Variants in MEX3B observed in about 807,000 individuals in gnomAD.
The protein encoded by MEX3B is mex-3 RNA binding family member B, also known as RNA-binding protein MEX3B.
In MEX3B, 10 loss-of-function variants were observed where a neutral mutation model predicts 12.2. The observed-to-expected ratio is 0.82, with a 90% CI of 0.51 to 1.40. The LOEUF is 1.40. Among genes scored for constraint, MEX3B ranks in the 40% most tolerant of loss-of-function variants. MEX3B has a pLI of 0.00. For synonymous variants in MEX3B, 498 were observed against 356.3 expected, an observed-to-expected ratio of 1.40 and a Z score of -4.48; for missense variants, 839 against 801.4, an observed-to-expected ratio of 1.05 and a Z score of -0.57.
Position 82,045,756 on chromosome 15 carries a change from A to C in MEX3B, c.-51T>G. On this transcript the variant is annotated 5_prime_UTR_variant, in exon 1 of 2. Coordinates refer to ENST00000329713, the MANE Select transcript of MEX3B (RefSeq NM_032246.6). Reference sequence around the variant, plus strand: ...CGCCGGCCCTCGGCTCGGCGGCGAGAAGCTGCGGCCACAAAGGCAGCCGGG... The same window carrying C: ...CGCCGGCCCTCGGCTCGGCGGCGAGCAGCTGCGGCCACAAAGGCAGCCGGG... 1 of 1,313,218 alleles carries C rather than the reference A, an allele frequency of 7.6e-7. No individual in the cohort carries two copies. The highest frequency in any genetic ancestry group is 9.6e-7 in the Non-Finnish European group (1 of 1,039,656). The allele number at this position is 1,313,218 out of a possible 1,614,324, so 81.3% of individuals were successfully genotyped here.
rs886932418 is a variant in MEX3B at position 82,045,625 on chromosome 15, G to A, written c.81C>T (p.Thr27=). ...GGGGSSGGGE[T]LDDQRALQLA... ...GCTGCAGGGCTCTTTGGTCATCCAG[G>A]GTCTCTCCCCCTCCGCTGCTGCCGC... Residue 27 remains threonine (T), a synonymous_variant, in exon 1 of 2, where the codon ACC becomes ACT. Coordinates refer to ENST00000329713, the MANE Select transcript of MEX3B (RefSeq NM_032246.6). The A allele has an allele frequency of 2.5e-6, 4 of 1,599,580 alleles. No individual in the cohort carries two copies. The highest frequency in any genetic ancestry group is 1.3e-5 in the African/African-American group (1 of 74,742).
At position 82,044,660 on chromosome 15, in the gene MEX3B, C is replaced by G. The variant is rs1032644115; in HGVS notation, c.257-47G>C. Reference sequence around the variant, plus strand: ...AGGGAGTGGGAGAGAGAGACAGACACGCCCATTATCCTGGGGTAACCGCGG... The same window carrying G: ...AGGGAGTGGGAGAGAGAGACAGACAGGCCCATTATCCTGGGGTAACCGCGG... On this transcript the variant is annotated intron_variant, in intron 1 of 1. Transcript: ENST00000329713. The surrounding 1 kb of genome is among the most constrained non-coding windows in gnomAD (Gnocchi z 5.3). The G allele has an allele frequency of 6.3e-7, 1 of 1,593,698 alleles. No individual in the cohort carries two copies. The highest frequency in any genetic ancestry group is 2.2e-5 in the East Asian group (1 of 44,770).
chr15:82,043,262 G>T lies in MEX3B; in HGVS notation c.1608C>A (p.Asn536Lys). 3.1e-6 allele frequency: 5 copies of T among 1,611,376 alleles called. No individual in the cohort carries two copies. The highest frequency in any genetic ancestry group is 4.2e-6 in the Non-Finnish European group (5 of 1,178,582). Reference protein sequence around the residue: ...VIAALVPCGHNLFCMECANRI... With the variant: ...VIAALVPCGHKLFCMECANRI... ...GATTGGCGCACTCCATGCAGAAGAG[G>T]TTGTGGCCACAGGGCACCAGCGCGG... Residue 536 changes from asparagine to lysine, a missense_variant, in exon 2 of 2, where the codon AAC becomes AAA. Transcript: ENST00000329713.
rs1231788552 is a variant in MEX3B, at chr15:82,043,871, A to T, written c.999T>A (p.Asn333Lys). 1 of 1,590,036 alleles carries T rather than the reference A, an allele frequency of 6.3e-7. No homozygotes were observed. Among genetic ancestry groups the T allele is most frequent in the Non-Finnish European group, 8.6e-7 (1 of 1,168,858 alleles). The part of the protein sequence containing the change: ...PALSFAHNGN[N>K]NNNGNGYTYT... ...AGGTGTACCCATTGCCGTTATTGTTATTGTTTCCGTTGTGCGCAAAGCTCA... is the reference window on the plus strand; with the variant it reads ...AGGTGTACCCATTGCCGTTATTGTTTTTGTTTCCGTTGTGCGCAAAGCTCA... The change falls in exon 2 of 2, where the codon AAT (asparagine) becomes AAA (lysine). Residue 333 changes from asparagine to lysine, a missense_variant. Asn to Lys is a moderately conservative substitution (Grantham distance 94). Transcript: ENST00000329713.
rs754993067 is a variant in MEX3B at position 82,043,973 on chromosome 15, A to G, written c.897T>C (p.Ser299=). 4.3e-6 allele frequency: 7 copies of G among 1,609,336 alleles called. No individual in the cohort carries two copies. In the South Asian group the frequency reaches 4.4e-5, roughly 10 times the overall value. The change falls in exon 2 of 2, where the codon TCT becomes TCC. Residue 299 remains serine, a synonymous_variant. Coordinates refer to ENST00000329713, the MANE Select transcript of MEX3B (RefSeq NM_032246.6). ...TGCTGCTGGTCCCGCCGCCGAAATAAGAGTCTGTGGAAGCACTGCCAAGCG... is the reference window on the plus strand; with the variant it reads ...TGCTGCTGGTCCCGCCGCCGAAATAGGAGTCTGTGGAAGCACTGCCAAGCG... The part of the protein sequence containing the change: ...SSSLGSASTD[S]YFGGGTSSSA...
In MEX3B at chr15:82,044,961, C is replaced by T; in HGVS notation, c.257-348G>A. 1.7e-6 allele frequency: 1 copy of T among 578,066 alleles called. No individual in the cohort carries two copies. The highest frequency in any genetic ancestry group is 3.1e-6 in the Non-Finnish European group (1 of 325,444). 35.8% of individuals were successfully genotyped at this position (578,066 alleles called of 1,614,324 possible). ...CAGCTCTGAAGACACGGGGAAGGGG[C>T]TCGGGGAAGGCAGCTGAAGTCGCGA... On this transcript the variant is annotated intron_variant, in intron 1 of 1. Transcript: ENST00000329713. This position sits in a 1 kb window ranked among gnomAD's most constrained non-coding sequence, Gnocchi z 5.3.
chr15:82,045,673 G>T lies in MEX3B; in HGVS notation c.33C>A (p.Arg11=). 6.5e-7 allele frequency: 1 copy of T among 1,549,640 alleles called. No individual in the cohort carries two copies. ...CGCCGCCGCCGCCGCCGCTGCCGTT[G>T]CGCTCCAGGTCTGCGAACAGCGAGC... MPSSLFADLE[R]NGSGGGGGGS... is the part of the protein sequence containing the mutation. Residue 11 remains arginine, a synonymous_variant, in exon 1 of 2, where the codon CGC becomes CGA. Coordinates refer to ENST00000329713, the MANE Select transcript of MEX3B (RefSeq NM_032246.6).
At chr15:82,045,127 C>A in intron 1 of MEX3B, 2 of 605,112 alleles carry the variant, frequency 3.3e-6, no homozygotes, top group South Asian at 3.9e-5. Context: ...CTTCCTCCTC[C>A]CAAAGGACTG....
chr15:82,043,892 G>T lies in MEX3B; in HGVS notation c.978C>A (p.Ser326Arg). The T allele has an allele frequency of 6.3e-7, 1 of 1,592,848 alleles. No homozygotes were observed. Among genetic ancestry groups the T allele is most frequent in the Non-Finnish European group, 8.5e-7 (1 of 1,171,914 alleles). ...TGTTATTGTTTCCGTTGTGCGCAAA[G>T]CTCAGGGCGGGGCTAGGGGGGCTGT... The part of the protein sequence containing the change: ...ADYSPPSPAL[S>R]FAHNGNNNNN... The change falls in exon 2 of 2, where the codon AGC becomes AGA. Residue 326 changes from serine (S) to arginine (R), a missense_variant. Ser to Arg is a moderately radical substitution (Grantham distance 110). Coordinates refer to ENST00000329713, the MANE Select transcript of MEX3B (RefSeq NM_032246.6).
rs908910632 is a variant in MEX3B at position 82,043,261 on chromosome 15, G to A, written c.1609C>T (p.Leu537Phe). The A allele has an allele frequency of 3.7e-6, 6 of 1,611,158 alleles. No homozygotes were observed. The highest frequency in any genetic ancestry group is 3.4e-5 in the Admixed American group (2 of 59,626). ...IAALVPCGHNLFCMECANRIC... is the reference protein window; with the variant it reads ...IAALVPCGHNFFCMECANRIC... ...CGATTGGCGCACTCCATGCAGAAGA[G>A]GTTGTGGCCACAGGGCACCAGCGCG... Residue 537 changes from leucine to phenylalanine, a missense_variant, in exon 2 of 2, where the codon CTC becomes TTC. Leu to Phe is a conservative substitution (Grantham distance 22). This residue lies in a region of MEX3B where 573 missense variants were observed against 488.9 expected (regional missense o/e 1.17). Coordinates refer to ENST00000329713, the MANE Select transcript of MEX3B (RefSeq NM_032246.6).
Position 82,043,945 on chromosome 15 carries a change from C to G in MEX3B, c.925G>C (p.Ala309Pro). 6.2e-7 allele frequency: 1 copy of G among 1,606,584 alleles called. No individual in the cohort carries two copies. The highest frequency in any genetic ancestry group is 8.5e-7 in the Non-Finnish European group (1 of 1,179,028). The change falls in exon 2 of 2, where the codon GCA (alanine) becomes CCA (proline). Residue 309 changes from alanine (A) to proline (P), a missense_variant. Coordinates refer to ENST00000329713, the MANE Select transcript of MEX3B (RefSeq NM_032246.6). Reference protein sequence around the residue: ...SYFGGGTSSSAAATQRLADYS... With the variant: ...SYFGGGTSSSPAATQRLADYS... ...TCCGCCAGGCGCTGGGTAGCCGCTG[C>G]GCTGCTGCTGGTCCCGCCGCCGAAA...
In MEX3B at chr15:82,043,447, C is replaced by T; in HGVS notation, c.1423G>A (p.Ala475Thr). Reference protein sequence around the residue: ...GGGGLAYAAYANGLGAQLPGL... With the variant: ...GGGGLAYAAYTNGLGAQLPGL... ...GGCAGCTGTGCCCCCAGCCCGTTGG[C>T]ATAAGCGGCGTAGGCCAGGCCTCCT... The change falls in exon 2 of 2, where the codon GCC becomes ACC. Residue 475 changes from alanine to threonine, a missense_variant. Ala to Thr is a moderately conservative substitution (Grantham distance 58). Around this residue, in one of 3 missense-constraint regions of MEX3B, gnomAD observed 573 missense variants for 488.9 expected, o/e 1.17. Coordinates refer to ENST00000329713, the MANE Select transcript of MEX3B (RefSeq NM_032246.6). 1 of 1,554,572 alleles carries T rather than the reference C, an allele frequency of 6.4e-7. No individual in the cohort carries two copies. Among genetic ancestry groups the T allele is most frequent in the Non-Finnish European group, 8.7e-7 (1 of 1,149,806 alleles).
chr15:82,044,942 T>C lies in MEX3B; in HGVS notation c.257-329A>G. 1 of 575,326 alleles carries C rather than the reference T, an allele frequency of 1.7e-6. No homozygotes were observed. The allele number at this position is 575,326 out of a possible 1,614,324, so 35.6% of individuals were successfully genotyped here. On this transcript the variant is annotated intron_variant, in intron 1 of 1. Transcript: ENST00000329713. The surrounding 1 kb of genome is among the most constrained non-coding windows in gnomAD (Gnocchi z 5.3). ...ATCCAGCTGGGCGCGCCGTCAGCTC[T>C]GAAGACACGGGGAAGGGGCTCGGGG...
In MEX3B at chr15:82,044,549, C is replaced by T. The variant is rs1476671920; in HGVS notation, c.321G>A (p.Glu107=). The T allele has an allele frequency of 6.2e-7, 1 of 1,614,198 alleles. No homozygotes were observed. Among genetic ancestry groups the T allele is most frequent in the Admixed American group, 1.7e-5 (1 of 60,028 alleles). The change falls in exon 2 of 2, where the codon GAG becomes GAA. Residue 107 remains glutamate (E), a synonymous_variant. Coordinates refer to ENST00000329713, the MANE Select transcript of MEX3B (RefSeq NM_032246.6). This position sits in a 1 kb window ranked among gnomAD's most constrained non-coding sequence, Gnocchi z 5.3. ...NTYIKTPVRG[E]EPVFVVTGRK... is the part of the protein sequence containing the mutation. Reference sequence around the variant, plus strand: ...TGCCCGTCACAACAAAGACAGGCTCCTCCCCGCGAACTGGGGTCTTGATGT... The same window carrying T: ...TGCCCGTCACAACAAAGACAGGCTCTTCCCCGCGAACTGGGGTCTTGATGT...
chr15:82,045,889 G>A lies in MEX3B; in HGVS notation c.-184C>T, dbSNP rs1026565308. 2 of 576,636 alleles carry A rather than the reference G, an allele frequency of 3.5e-6. No individual in the cohort carries two copies. The highest frequency in any genetic ancestry group is 3.7e-5 in the East Asian group (1 of 26,918). 35.7% of individuals were successfully genotyped at this position (576,636 alleles called of 1,614,324 possible). ...CTCCGTGCGGTCCGCACCGGGCAGT[G>A]GCTGCAGGAGCCCCCACCTGGGTCC... On this transcript the variant is annotated 5_prime_UTR_variant, in exon 1 of 2. Transcript: ENST00000329713.
rs556062014 is a variant in MEX3B, at chr15:82,042,795, T to C, written c.*365A>G. 12 of 171,102 alleles carry C rather than the reference T, an allele frequency of 7.0e-5. No individual in the cohort carries two copies. In the East Asian group the frequency reaches 1.9e-3, roughly 27 times the overall value. The allele number at this position is 171,102 out of a possible 1,614,324, so 10.6% of individuals were successfully genotyped here. ...TTCATTTTTTCCTACTTTAAGAAAA[T>C]GGAAAACTTGTGGGGTTTTCTTCTT... On this transcript the variant is annotated 3_prime_UTR_variant, in exon 2 of 2. Transcript: ENST00000329713.
chr15:82,045,420 C>CCCCCCCCCCCCCCA, intron 1 of MEX3B, 30 bp downstream of exon 1: 19 of 1,571,942 alleles, frequency 1.2e-5, no homozygotes, highest in Non-Finnish European at 1.6e-5. Context: ...ACACCACCCC[C>CCCCCCCCCCCCCCA]ACCCACCTCC....
At position 82,043,110 on chromosome 15, in the gene MEX3B, G is replaced by A. The variant is rs567578870; in HGVS notation, c.*50C>T. On this transcript the variant is annotated 3_prime_UTR_variant, in exon 2 of 2. Coordinates refer to ENST00000329713, the MANE Select transcript of MEX3B (RefSeq NM_032246.6). ...GAGCGCTGGGGAAAGAGGGTGGGGA[G>A]GGGTTCCCCCTTCCCCCAGCACGGT... The A allele has an allele frequency of 1.4e-6, 2 of 1,422,310 alleles. No homozygotes were observed. The highest frequency in any genetic ancestry group is 1.6e-5 in the South Asian group (1 of 61,882). 88.1% of individuals were successfully genotyped at this position (1,422,310 alleles called of 1,614,324 possible). A position where few individuals can be genotyped will look rare whatever the true frequency, so the allele number is the denominator to read the frequency against.
intron 1 of MEX3B, 35 bp downstream of exon 1, chr15:82,045,415 A>ACCCCCACCCCCCCCCCCCCCCCC: frequency 6.5e-7 from 1 of 1,530,528 alleles, no homozygotes; most frequent in Non-Finnish European, 8.9e-7. Context: ...ACCCTACACC[A>ACCCCCACCCCCCCCCCCCCCCCC]CCCCCACCCA....
Sources: gnomAD v4.1 joint callset for allele counts on GRCh38, gnomAD v4.1.1 for gene constraint, gnomAD v4.1.1 regional missense constraint, Gnocchi (gnomAD v3.1) non-coding constraint, MANE v1.5 for transcripts, NCBI Gene and HGNC (gene_info 2026-07-23, HGNC 2026-07-21) for gene names.